PTDSS1: variants seen among roughly 807,000 people sequenced by gnomAD.
PTDSS1 encodes the protein phosphatidylserine synthase 1.
Under a neutral mutation model 70.5 loss-of-function variants are expected in PTDSS1, and 45 were observed. The ratio of observed to expected loss-of-function variants is 0.64; its 90% CI spans 0.50 to 0.82. The LOEUF (loss-of-function observed/expected upper bound fraction) is 0.82, where lower values mean the gene tolerates loss of function less well. Ranked by LOEUF, PTDSS1 falls within the 40% of genes least tolerant of loss-of-function variation. PTDSS1 has a pLI of 0.00. For missense variants in PTDSS1, 417 were observed against 586.1 expected (o/e 0.71, Z 2.98); for synonymous variants, 188 against 203.8 (o/e 0.92, Z 0.66).
chr8:96,289,886 A>AT (rs1479778491), intron 4 of PTDSS1, among the ~76,000 whole-genome samples: 2 of 152,096 alleles, frequency 1.3e-5, no homozygotes, highest in Admixed American at 6.5e-5. Context: ...CTGTTTTGGA[A>AT]TTTTTTTACT....
chr8:96,313,728 G>T (rs1811245305), intron 9 of PTDSS1, among the ~76,000 whole-genome samples: 1 of 152,204 alleles, frequency 6.6e-6, no homozygotes, highest in African/African-American at 2.4e-5. Flanking sequence ...CACCCGACCA[G>T]TTTCCTCGCT....
intron 9 of PTDSS1, among the ~76,000 whole-genome samples, chr8:96,319,604 G>A (rs961439429): frequency 1.3e-5 from 2 of 152,128 alleles, no homozygotes; most frequent in African/African-American, 2.4e-5. Context: ...GAAATTCTTA[G>A]AAGGCTGGGA....
chr8:96,289,863 T>C (rs11997392), intron 4 of PTDSS1, among the ~76,000 whole-genome samples: 27,670 of 152,068 alleles, frequency 0.18, 4,639 homozygotes, highest in African/African-American at 0.45. Context: ...TTATCAGTCT[T>C]GGGGGAGAAA....
In PTDSS1 at chr8:96,262,976, C is replaced by A. The variant is rs1324883799; in HGVS notation, c.179+757C>A. Among the ~76,000 whole-genome samples, 2 of 152,186 alleles carry A rather than the reference C, an allele frequency of 1.3e-5. No homozygotes were observed. Among genetic ancestry groups the A allele is most frequent in the Non-Finnish European group, 2.9e-5 (2 of 68,036 alleles). ...ACAGACACCAGCCCGCCACACATCA[C>A]GCGGTGCATACCCTGCTCACTCATT... On this transcript the variant is annotated intron_variant, in intron 1 of 12. Coordinates refer to ENST00000517309, the MANE Select transcript of PTDSS1 (RefSeq NM_014754.3). This position sits in a 1 kb window ranked among gnomAD's most constrained non-coding sequence, Gnocchi z 4.4.
chr8:96,292,916 AG>A (rs1176271899), intron 4 of PTDSS1, among the ~76,000 whole-genome samples: 2 of 152,206 alleles, frequency 1.3e-5, no homozygotes, highest in Non-Finnish European at 2.9e-5. Context: ...ATTTCCAAAG[AG>A]GACCCAAAAG....
intron 9 of PTDSS1, among the ~76,000 whole-genome samples, chr8:96,314,325 G>C (rs1417653839): frequency 6.6e-6 from 1 of 152,136 alleles, no homozygotes; most frequent in Non-Finnish European, 1.5e-5. Flanking sequence ...GGGATTACAG[G>C]CATTGGCCAC....
At chr8:96,286,730 C>T (rs942861137) in intron 3 of PTDSS1, among the ~76,000 whole-genome samples, 1 of 152,168 alleles carries the variant, frequency 6.6e-6, no homozygotes, top group African/African-American at 2.4e-5. Flanking sequence ...CTGAATGTTG[C>T]GTGCAATCCT....
At chr8:96,275,172 T>C (rs1810622384) in intron 2 of PTDSS1, among the ~76,000 whole-genome samples, 1 of 151,878 alleles carries the variant, frequency 6.6e-6, no homozygotes, top group South Asian at 2.1e-4. Flanking sequence ...AGAGATGGAG[T>C]CTTGCTGTGT....
intron 9 of PTDSS1, among the ~76,000 whole-genome samples, chr8:96,312,737 G>T (rs2130133913): frequency 6.6e-6 from 1 of 152,188 alleles, no homozygotes; most frequent in South Asian, 2.1e-4. Flanking sequence ...CTGTGTGCGT[G>T]AACAGCCGTG....
At chr8:96,304,752 A>G (rs548535874) in intron 7 of PTDSS1, among the ~76,000 whole-genome samples, 1 of 152,342 alleles carries the variant, frequency 6.6e-6, no homozygotes, top group East Asian at 1.9e-4. Context: ...ATTATCAAGC[A>G]TCTGTGTTTC....
Position 96,330,281 on chromosome 8 carries a change from G to C in PTDSS1, c.1242G>C (p.Lys414Asn), listed in dbSNP as rs1297875969. Reference sequence around the variant, plus strand: ...CAGAACACTATGGTCACCGAGAAAAGGTATGGAAGGAGAGGCAGGCATGGC... The same window carrying C: ...CAGAACACTATGGTCACCGAGAAAACGTATGGAAGGAGAGGCAGGCATGGC... ...WYAEHYGHREKTYSECEDGTY... is the reference protein window; with the variant it reads ...WYAEHYGHRENTYSECEDGTY... Residue 414 changes from lysine (K) to asparagine (N), a missense_variant and splice_region_variant, in exon 11 of 13, where the codon AAG becomes AAC. Lys to Asn is a moderately conservative substitution (Grantham distance 94). Coordinates refer to ENST00000517309, the MANE Select transcript of PTDSS1 (RefSeq NM_014754.3). The C allele has an allele frequency of 6.2e-7, 1 of 1,608,232 alleles. No individual in the cohort carries two copies. Among genetic ancestry groups the C allele is most frequent in the Non-Finnish European group, 8.5e-7 (1 of 1,176,000 alleles).
chr8:96,304,582 T>C (rs1811097582), intron 7 of PTDSS1, among the ~76,000 whole-genome samples: 2 of 152,214 alleles, frequency 1.3e-5, no homozygotes. Context: ...CCTCAGCTGT[T>C]ACCACTTTGG....
At chr8:96,279,698 A>G (rs955682504) in intron 2 of PTDSS1, among the ~76,000 whole-genome samples, 7 of 152,050 alleles carry the variant, frequency 4.6e-5, no homozygotes, top group Admixed American at 1.3e-4. Context: ...ACATGCCTGT[A>G]ATCCCAGCTA....
In PTDSS1 at chr8:96,326,890, A is replaced by T. The variant is rs117004290; in HGVS notation, c.1174-3323A>T. On this transcript the variant is annotated intron_variant, in intron 10 of 12. Coordinates refer to ENST00000517309, the MANE Select transcript of PTDSS1 (RefSeq NM_014754.3). ...ATTGAAGATGCAGAGGAAGGGCTGGATCTGAGAGTTGTTTAAGGAATGTGC... is the reference window on the plus strand; with the variant it reads ...ATTGAAGATGCAGAGGAAGGGCTGGTTCTGAGAGTTGTTTAAGGAATGTGC... 6.8e-3 allele frequency among the ~76,000 whole-genome samples: 1,034 copies of T among 152,310 alleles called. 4 individuals carry two copies. Among genetic ancestry groups the T allele is most frequent in the Non-Finnish European group, 0.01 (684 of 68,020 alleles).
At chr8:96,284,009 C>T (rs1810785387) in intron 2 of PTDSS1, 100 bp from the exon 3 acceptor site, 1 of 939,360 alleles carries the variant, frequency 1.1e-6, no homozygotes, top group Non-Finnish European at 1.6e-6. Flanking sequence ...CAGTAGAGAG[C>T]TTTTTCTTCT....
intron 2 of PTDSS1, among the ~76,000 whole-genome samples, chr8:96,273,636 G>A (rs1810598460): frequency 6.6e-6 from 1 of 152,162 alleles, no homozygotes; most frequent in South Asian, 2.1e-4. Flanking sequence ...ACGGTTGTGA[G>A]GGTTAACTAA....
intron 1 of PTDSS1, among the ~76,000 whole-genome samples, chr8:96,263,873 A>T (rs1456016391): frequency 6.6e-6 from 1 of 152,248 alleles, no homozygotes. Context: ...TCATAAAACT[A>T]ATATCCTCCC....
rs1242105299 is a variant in PTDSS1 at position 96,333,851 on chromosome 8, C to G, written c.*285C>G. 4 of 647,828 alleles carry G rather than the reference C, an allele frequency of 6.2e-6. No individual in the cohort carries two copies. The highest frequency in any genetic ancestry group is 1.1e-5 in the Non-Finnish European group (4 of 358,922). 40.1% of individuals were successfully genotyped at this position (647,828 alleles called of 1,614,324 possible). ...GCGGTGTGTTGAAGGGAAACGGTAG[C>G]TATTCATTCACAGTTGCCAAGAGCA... is the stretch of plus-strand genomic sequence containing the variant. On this transcript the variant is annotated 3_prime_UTR_variant, in exon 13 of 13. Transcript: ENST00000517309.
intron 4 of PTDSS1, among the ~76,000 whole-genome samples, chr8:96,289,728 C>G (rs1019099321): frequency 4.6e-5 from 7 of 152,076 alleles, no homozygotes; most frequent in African/African-American, 1.4e-4. Context: ...ATAAAAGGTC[C>G]AAGAAATAAT....
Sources: allele counts gnomAD v4.1 joint callset (sites outside exome capture counted in the v4.1 genomes callset), GRCh38; gene constraint gnomAD v4.1.1; non-coding constraint Gnocchi (gnomAD v3.1); transcripts MANE v1.5; gene names NCBI Gene and HGNC (gene_info 2026-07-23, HGNC 2026-07-21).